The following DCC variants were observed in gnomAD, a reference collection of about 807,000 sequenced individuals.
DCC encodes the protein netrin receptor DCC.
A neutral mutation model predicts 172.5 loss-of-function variants in DCC; 58 were observed. The ratio of observed to expected loss-of-function variants is 0.34; its 90% confidence interval spans 0.27 to 0.42. The LOEUF (loss-of-function observed/expected upper bound fraction) is 0.42. Among genes scored for constraint, DCC ranks in the 10% least tolerant of loss-of-function variants. The probability of loss-of-function intolerance (pLI) is 1.00; values close to 1 mark genes in which losing one functional copy is unlikely to be tolerated. For missense variants in DCC, 1,740 were observed against 1,791.0 expected (o/e 0.97, Z 0.51); for synonymous variants, 709 against 644.5 (o/e 1.10, Z -1.52).
At chr18:52,430,401 T>C (rs1277511282) in intron 1 of DCC, among the ~76,000 whole-genome samples, 1 of 150,258 alleles carries the variant, frequency 6.7e-6, no homozygotes. Context: ...CAAGAAAAAA[T>C]GCATTGGTTA....
intron 5 of DCC, among the ~76,000 whole-genome samples, chr18:52,968,688 T>G (rs2040973974): frequency 6.6e-6 from 1 of 152,168 alleles, no homozygotes; most frequent in African/African-American, 2.4e-5. Flanking sequence ...AAGGTTGTGC[T>G]TACAGACGCA....
At chr18:53,364,643 A>G (rs2057982701) in intron 15 of DCC, among the ~76,000 whole-genome samples, 1 of 152,146 alleles carries the variant, frequency 6.6e-6, no homozygotes, top group Admixed American at 6.6e-5. Flanking sequence ...GGGAAAAATA[A>G]TTTTATATCT....
intron 13 of DCC, among the ~76,000 whole-genome samples, chr18:53,318,964 T>G (rs1044195451): frequency 9.9e-5 from 15 of 152,114 alleles, no homozygotes; most frequent in Non-Finnish European, 2.1e-4. Context: ...TATTCAACAT[T>G]CTTAAGGAAA....
intron 1 of DCC, among the ~76,000 whole-genome samples, chr18:52,464,417 A>G (rs760201800): frequency 2.0e-5 from 3 of 152,188 alleles, no homozygotes; most frequent in Non-Finnish European, 4.4e-5. Flanking sequence ...TGTTAACAGA[A>G]TAGGTGTAAC....
intron 7 of DCC, among the ~76,000 whole-genome samples, chr18:53,112,232 C>G (rs1371111918): frequency 6.6e-6 from 1 of 151,360 alleles, no homozygotes. Flanking sequence ...AAATACTTAG[C>G]CTTTATATTA....
chr18:52,843,074 T>C (rs1407455286), intron 2 of DCC, among the ~76,000 whole-genome samples: 2 of 152,190 alleles, frequency 1.3e-5, no homozygotes, highest in Non-Finnish European at 2.9e-5. Flanking sequence ...GAGTTATAAA[T>C]GTTACAGCCT....
intron 1 of DCC, among the ~76,000 whole-genome samples, chr18:52,384,757 T>C (rs184806817): frequency 6.6e-6 from 1 of 152,258 alleles, no homozygotes; most frequent in Non-Finnish European, 1.5e-5. Context: ...ATGACAATTA[T>C]AAACAGAACT....
At chr18:53,062,433 A>C (rs2042509346) in intron 5 of DCC, among the ~76,000 whole-genome samples, 1 of 152,178 alleles carries the variant, frequency 6.6e-6, no homozygotes, top group African/African-American at 2.4e-5. Flanking sequence ...TATGTGAAAC[A>C]GATCACGGCT....
At chr18:52,913,205 A>G (rs1411963263) in intron 3 of DCC, among the ~76,000 whole-genome samples, 1 of 152,058 alleles carries the variant, frequency 6.6e-6, no homozygotes, top group Non-Finnish European at 1.5e-5. Flanking sequence ...CATTTAACCA[A>G]TGTGCAATAA....
chr18:52,607,678 A>G (rs1450287262), intron 1 of DCC, among the ~76,000 whole-genome samples: 1 of 152,164 alleles, frequency 6.6e-6, no homozygotes, highest in East Asian at 1.9e-4. Context: ...TTTGCGTGGT[A>G]TCATAAAGAA....
intron 2 of DCC, among the ~76,000 whole-genome samples, chr18:52,807,610 C>T (rs2038112551): frequency 6.6e-6 from 1 of 152,174 alleles, no homozygotes; most frequent in African/African-American, 2.4e-5. Context: ...ACTTTGTCCT[C>T]AGGATCTCGC....
intron 12 of DCC, among the ~76,000 whole-genome samples, chr18:53,223,555 T>A (rs934328423): frequency 1.3e-5 from 2 of 152,048 alleles, no homozygotes; most frequent in African/African-American, 4.8e-5. Flanking sequence ...TGAACCTAGG[T>A]CTAGTGATAA....
intron 7 of DCC, among the ~76,000 whole-genome samples, 185 bp downstream of exon 7, chr18:53,066,351 G>GTGTATGTA (rs767517577): frequency 2.0e-4 from 18 of 90,120 alleles, no homozygotes; most frequent in Admixed American, 4.0e-4. Flanking sequence ...GTGTACATGT[G>GTGTATGTA]TGTATATATA....
At chr18:53,326,892 G>T (rs552735322) in intron 14 of DCC, among the ~76,000 whole-genome samples, 1 of 152,152 alleles carries the variant, frequency 6.6e-6, no homozygotes, top group East Asian at 1.9e-4. Flanking sequence ...TGTGTTGGAA[G>T]GTAACTGCAT....
chr18:53,502,514 A>C (rs1213521646), intron 27 of DCC, among the ~76,000 whole-genome samples: 2 of 152,196 alleles, frequency 1.3e-5, no homozygotes, highest in Non-Finnish European at 2.9e-5. Flanking sequence ...TGCTTCTTAG[A>C]CTTAAAGATG....
chr18:53,421,025 C>G lies in DCC; in HGVS notation c.3163+4869C>G, dbSNP rs370386389. ...GATTTCCATTCTTCTAAAATCAGCT[C>G]CAACATTTTAGTGTCTCACAGAAGC... On this transcript the variant is annotated intron_variant, in intron 21 of 28. Coordinates refer to ENST00000442544, the MANE Select transcript of DCC (RefSeq NM_005215.4). Among the ~76,000 whole-genome samples the G allele has an allele frequency of 2.0e-5, 3 of 152,098 alleles. 1 individual carries two copies. Among genetic ancestry groups the G allele is most frequent in the African/African-American group, 2.4e-5 (1 of 41,420 alleles).
Position 53,531,057 on chromosome 18 carries a change from G to A in DCC, c.*404G>A, listed in dbSNP as rs147716916. ...AGTGCATTATTTAAGCCTGTACCAT[G>A]CCATGGCAAACCAGTGCAAGCTCAC... On this transcript the variant is annotated 3_prime_UTR_variant, in exon 29 of 29. Coordinates refer to ENST00000442544, the MANE Select transcript of DCC (RefSeq NM_005215.4). The A allele has an allele frequency of 3.2e-4, 84 of 264,014 alleles. No homozygotes were observed. Among genetic ancestry groups the A allele is most frequent in the African/African-American group, 1.8e-3 (82 of 46,210 alleles). 16.4% of individuals were successfully genotyped at this position (264,014 alleles called of 1,614,324 possible). A position where few individuals can be genotyped will look rare whatever the true frequency, so the allele number is the denominator to read the frequency against.
chr18:53,388,757 A>C (rs1315207346), intron 16 of DCC, among the ~76,000 whole-genome samples: 1 of 152,236 alleles, frequency 6.6e-6, no homozygotes, highest in African/African-American at 2.4e-5. Context: ...ATGAAGTACA[A>C]TCCACATGTA....
At chr18:52,894,610 T>C (rs748904609) in intron 2 of DCC, among the ~76,000 whole-genome samples, 12 of 151,854 alleles carry the variant, frequency 7.9e-5, no homozygotes, top group Non-Finnish European at 1.6e-4. Flanking sequence ...TCCTAGTATC[T>C]ATAATTGGCA....
Sources: gnomAD v4.1 joint callset for allele counts (sites outside exome capture counted in the v4.1 genomes callset) on GRCh38, gnomAD v4.1.1 for gene constraint, MANE v1.5 for transcripts, NCBI Gene and HGNC (gene_info 2026-07-23, HGNC 2026-07-21) for gene names.